Variants in CHTF18 observed in about 807,000 individuals in gnomAD.
CHTF18 encodes chromosome transmission fidelity protein 18 homolog.
CHTF18 carries 151 observed loss-of-function variants against 113.4 expected under a neutral mutation model. The observed-to-expected ratio is 1.33, with a 90% CI of 1.17 to 1.52. The LOEUF is 1.52. Ranked by LOEUF, CHTF18 falls within the 40% of genes most tolerant of loss-of-function variation. CHTF18 has a pLI of 0.00. For synonymous variants in CHTF18, 916 were observed against 598.8 expected (o/e 1.53, Z -7.74); for missense variants, 1,982 against 1,381.6 (o/e 1.43, Z -6.89).
intron 4 of CHTF18, 154 bp downstream of exon 4, chr16:789,869 A>G: frequency 1.5e-6 from 2 of 1,327,272 alleles, no homozygotes; most frequent in Non-Finnish European, 2.1e-6. Flanking sequence ...GCGTAGACTT[A>G]GAGGACACAG....
At chr16:789,905 G>T (rs2042130483) in intron 4 of CHTF18, 190 bp downstream of exon 4, 12 of 1,432,108 alleles carry the variant, frequency 8.4e-6, no homozygotes, top group Non-Finnish European at 9.4e-6. Context: ...TTGCTGTCCA[G>T]CCTGTTTGTA....
chr16:788,942 C>T lies in CHTF18; in HGVS notation c.103C>T (p.Pro35Ser). Reference protein sequence around the residue: ...VLAELEGASTPSPSGVPLFTA... With the variant: ...VLAELEGASTSSPSGVPLFTA... ...TCCTCTCCCAGCAGGGGCGTCGACT[C>T]CGTCGCCCTCCGGGGTCCCCCTGTT... Residue 35 changes from proline (P) to serine (S), a missense_variant, in exon 2 of 22, where the codon CCG becomes TCG. By Grantham distance (74) the Pro-to-Ser change is moderately conservative. Coordinates refer to ENST00000262315, the MANE Select transcript of CHTF18 (RefSeq NM_022092.3). 1 of 1,556,876 alleles carries T rather than the reference C, an allele frequency of 6.4e-7. No homozygotes were observed. The highest frequency in any genetic ancestry group is 1.2e-5 in the South Asian group (1 of 86,448).
In CHTF18 at chr16:792,038, C is replaced by T. The variant is rs565341638; in HGVS notation, c.1202+90C>T. ...GACCTGAAACCGGGTGTGGATGTTC[C>T]CGTCTTGAGGGTGGTGGGGGCCTGG... On this transcript the variant is annotated intron_variant, in intron 9 of 21. Transcript: ENST00000262315. 12 of 1,548,372 alleles carry T rather than the reference C, an allele frequency of 7.8e-6. No homozygotes were observed. The South Asian group carries it at 1.1e-4, about 14-fold the overall frequency.
At position 788,977 on chromosome 16, in the gene CHTF18, CCGACCCCCGCGGA is replaced by C. The variant is rs2042077909; in HGVS notation, c.141_153del (p.Pro48SerfsTer59). 2 of 1,564,702 alleles carry C rather than the reference CCGACCCCCGCGGA, an allele frequency of 1.3e-6. No individual in the cohort carries two copies. The highest frequency in any genetic ancestry group is 1.7e-6 in the Non-Finnish European group (2 of 1,162,468). ...CCGGGGTCCCCCTGTTCACCGCGGGCCGACCCCCGCGGACGTTCGAGGAGGCCCTTGCCAGAGG... is the reference window on the plus strand; with the variant it reads ...CCGGGGTCCCCCTGTTCACCGCGGGCCGTTCGAGGAGGCCCTTGCCAGAGG... On this transcript the variant is annotated frameshift_variant, in exon 2 of 22. Coordinates refer to ENST00000262315, the MANE Select transcript of CHTF18 (RefSeq NM_022092.3). LOFTEE classifies it high-confidence loss of function.
rs780566524 is a variant in CHTF18, at chr16:795,804, C to T, written c.2295C>T (p.Leu765=). 2.5e-6 allele frequency: 4 copies of T among 1,610,094 alleles called. No individual in the cohort carries two copies. The highest frequency in any genetic ancestry group is 1.3e-5 in the African/African-American group (1 of 74,624). The change falls in exon 17 of 22, where the codon CTC becomes CTT. Residue 765 remains leucine (L), a synonymous_variant. Coordinates refer to ENST00000262315, the MANE Select transcript of CHTF18 (RefSeq NM_022092.3). The part of the protein sequence containing the change: ...QALLLDALCL[L]LDILAPKLRP... The stretch of plus-strand genomic sequence containing the variant: ...TGCTCCTCGATGCCCTCTGCCTGCT[C>T]CTGGACATTCTTGCACCCAAGCTCC...
chr16:790,212 C>T lies in CHTF18; in HGVS notation c.642C>T (p.Gly214=), dbSNP rs1878823745. The T allele has an allele frequency of 2.5e-6, 4 of 1,605,172 alleles. No homozygotes were observed. Among genetic ancestry groups the T allele is most frequent in the Admixed American group, 1.7e-5 (1 of 59,042 alleles). Reference sequence around the variant, plus strand: ...TCCACGTCCCATGGCGAGGCGGTGGCCAGCTGGACCTGCTGGGTGTGTCCT... The same window carrying T: ...TCCACGTCCCATGGCGAGGCGGTGGTCAGCTGGACCTGCTGGGTGTGTCCT... ...SLLHVPWRGG[G]QLDLLGVSLA... Residue 214 remains glycine (G), a synonymous_variant, in exon 5 of 22, where the codon GGC becomes GGT. Coordinates refer to ENST00000262315, the MANE Select transcript of CHTF18 (RefSeq NM_022092.3).
In CHTF18 at chr16:790,362, C is replaced by T. The variant is rs757808554; in HGVS notation, c.715C>T (p.Leu239Phe). 3.1e-6 allele frequency: 5 copies of T among 1,611,346 alleles called. No individual in the cohort carries two copies. In the Admixed American group the frequency reaches 5.0e-5, roughly 16 times the overall value. ...GTTTGCACAGCGGCGGGAGCGGCTG[C>T]TTCAGGAGGCCCAGAAGCTTTCAGA... ...QVDGERRERL[L>F]QEAQKLSDTL... Residue 239 changes from leucine (L) to phenylalanine (F), a missense_variant, in exon 6 of 22, where the codon CTT (leucine) becomes TTT (phenylalanine). Transcript: ENST00000262315.
At position 791,365 on chromosome 16, in the gene CHTF18, C is replaced by G; in HGVS notation, c.1099C>G (p.Gln367Glu). ...GCTGGACCCGAGCCAGCGACCGAAG[C>G]AGAAGGTGAGCCCCGCTGGCTGTGC... Reference protein sequence around the residue: ...AGLDPSQRPKQKVALLCGPPG... With the variant: ...AGLDPSQRPKEKVALLCGPPG... Residue 367 changes from glutamine (Q) to glutamate (E), a missense_variant, in exon 8 of 22, where the codon CAG (glutamine) becomes GAG (glutamate). By Grantham distance (29) the Gln-to-Glu change is conservative. Coordinates refer to ENST00000262315, the MANE Select transcript of CHTF18 (RefSeq NM_022092.3). 1 of 1,601,328 alleles carries G rather than the reference C, an allele frequency of 6.2e-7. No homozygotes were observed. The highest frequency in any genetic ancestry group is 8.5e-7 in the Non-Finnish European group (1 of 1,176,882).
At position 794,101 on chromosome 16, in the gene CHTF18, T is replaced by A; in HGVS notation, c.1850T>A (p.Leu617Gln). The change falls in exon 15 of 22, where the codon CTG becomes CAG. Residue 617 changes from leucine (L) to glutamine (Q), a missense_variant. Leu to Gln is a moderately radical substitution (Grantham distance 113). Coordinates refer to ENST00000262315, the MANE Select transcript of CHTF18 (RefSeq NM_022092.3). The stretch of plus-strand genomic sequence containing the variant: ...GCCCTGCCTGCTGACACACTCCTGC[T>A]GGGTGACGGGGACGCGGGCTCCCTC... ...DPALPADTLLLGDGDAGSLTS... is the reference protein window; with the variant it reads ...DPALPADTLLQGDGDAGSLTS... The A allele has an allele frequency of 6.2e-7, 1 of 1,612,244 alleles. No individual in the cohort carries two copies. Among genetic ancestry groups the A allele is most frequent in the Non-Finnish European group, 8.5e-7 (1 of 1,179,700 alleles).
Position 795,733 on chromosome 16 carries a change from T to C in CHTF18, c.2224T>C (p.Ser742Pro). The change falls in exon 17 of 22, where the codon TCC becomes CCC. Residue 742 changes from serine (S) to proline (P), a missense_variant. Ser to Pro is a moderately conservative substitution (Grantham distance 74, BLOSUM62 -1). Coordinates refer to ENST00000262315, the MANE Select transcript of CHTF18 (RefSeq NM_022092.3). ...QMRNLIQTLV[S>P]GIAPATRSRA... is the part of the protein sequence containing the mutation. ...GAGGAACCTGATCCAGACGCTGGTGTCCGGCATCGCGCCAGCCACGCGCAG... is the reference window on the plus strand; with the variant it reads ...GAGGAACCTGATCCAGACGCTGGTGCCCGGCATCGCGCCAGCCACGCGCAG... The C allele has an allele frequency of 6.2e-7, 1 of 1,607,038 alleles. No individual in the cohort carries two copies. Among genetic ancestry groups the C allele is most frequent in the South Asian group, 1.1e-5 (1 of 90,546 alleles).
At chr16:794,266 C>G in intron 15 of CHTF18, 65 bp downstream of exon 15, 1 of 1,559,418 alleles carries the variant, frequency 6.4e-7, no homozygotes, top group South Asian at 1.2e-5. Context: ...TGTGCCCCTG[C>G]CCCTGCCGGT....
In CHTF18 at chr16:797,044, T is replaced by A; in HGVS notation, c.2685T>A (p.His895Gln). Residue 895 changes from histidine to glutamine, a missense_variant, in exon 20 of 22, where the codon CAT (histidine) becomes CAA (glutamine). Coordinates refer to ENST00000262315, the MANE Select transcript of CHTF18 (RefSeq NM_022092.3). ...TGCACCGACCTGCCCCACGCAACCA[T>A]GAGCAGCGGCTGGAGCACATCATGA... ...KGVHRPAPRN[H>Q]EQRLEHIMRR... 1 of 1,561,182 alleles carries A rather than the reference T, an allele frequency of 6.4e-7. No individual in the cohort carries two copies. Among genetic ancestry groups the A allele is most frequent in the Non-Finnish European group, 8.7e-7 (1 of 1,154,174 alleles).
intron 14 of CHTF18, 75 bp from the exon 15 acceptor site, chr16:793,979 A>G: frequency 6.6e-7 from 1 of 1,518,928 alleles, no homozygotes; most frequent in Non-Finnish European, 8.9e-7. Context: ...GGGGCCTCTG[A>G]GTGTCCCGGG....
rs116738078 is a variant in CHTF18 at position 790,904 on chromosome 16, C to T, written c.894+238C>T. On this transcript the variant is annotated intron_variant, in intron 7 of 21. Transcript: ENST00000262315. ...GTCACCTGATCCAAGTCTCTGTTCC[C>T]TTTCCTACCTTCACAGCAGCTGACA... is the stretch of plus-strand genomic sequence containing the variant. 8.6e-4 allele frequency: 1,232 copies of T among 1,432,704 alleles called. 13 individuals carry two copies. The African/African-American group carries it at 0.016, about 18-fold the overall frequency. 88.7% of individuals were successfully genotyped at this position (1,432,704 alleles called of 1,614,324 possible).
chr16:791,668 T>G, intron 8 of CHTF18, 183 bp from the exon 9 acceptor site: 2 of 1,427,342 alleles, frequency 1.4e-6, no homozygotes. Flanking sequence ...TTGCTTTGTG[T>G]AGGTTTTTTT....
rs755195024 is a variant in CHTF18, at chr16:788,811, C to T, written c.91+36C>T. On this transcript the variant is annotated intron_variant, in intron 1 of 21. Transcript: ENST00000262315. ...GCCCCCGGCCGTTGGGGAGGAGCTG[C>T]GAAAGCCGGGACAGTGGCGACCTCG... is the stretch of plus-strand genomic sequence containing the variant. 76 of 1,569,370 alleles carry T rather than the reference C, an allele frequency of 4.8e-5. 1 individual carries two copies. In the Admixed American group the frequency reaches 1.3e-3, roughly 28 times the overall value.
intron 18 of CHTF18, among the ~76,000 whole-genome samples, chr16:796,340 G>C (rs1367390619): frequency 6.6e-6 from 1 of 152,354 alleles, no homozygotes; most frequent in East Asian, 1.9e-4. Context: ...GGGGCCCCGA[G>C]AGTGACTGCA....
chr16:793,681 T>G (rs1196614993), intron 14 of CHTF18: 2 of 579,218 alleles, frequency 3.5e-6, no homozygotes, highest in East Asian at 3.5e-5. Context: ...GTCTCTGTCC[T>G]GACGTGCCAT....
In CHTF18 at chr16:792,712, C is replaced by A; in HGVS notation, c.1479-6C>A. The A allele has an allele frequency of 6.4e-7, 1 of 1,567,592 alleles. No individual in the cohort carries two copies. The highest frequency in any genetic ancestry group is 8.6e-7 in the Non-Finnish European group (1 of 1,161,494). On this transcript the variant is annotated splice_region_variant and splice_polypyrimidine_tract_variant and intron_variant, in intron 11 of 21. Coordinates refer to ENST00000262315, the MANE Select transcript of CHTF18 (RefSeq NM_022092.3). ...TGGGGTCCCTGGCCCTGCCGCCTCT[C>A]CTCAGGTTCGCACCGTCCCTGCGGC... is the stretch of plus-strand genomic sequence containing the variant.
Sources: allele counts gnomAD v4.1 joint callset (sites outside exome capture counted in the v4.1 genomes callset), GRCh38; gene constraint gnomAD v4.1.1; transcripts MANE v1.5; gene names NCBI Gene and HGNC (gene_info 2026-07-23, HGNC 2026-07-21).